Variants in MSI2 observed in about 807,000 individuals in gnomAD.
The protein encoded by MSI2 is musashi RNA binding protein 2, also known as RNA-binding protein Musashi homolog 2.
A neutral mutation model predicts 45.6 loss-of-function variants in MSI2; 17 were observed. The ratio of observed to expected loss-of-function variants is 0.37; its 90% CI spans 0.26 to 0.56. The LOEUF (loss-of-function observed/expected upper bound fraction) is 0.56. Ranked by LOEUF, MSI2 falls within the 20% of genes least tolerant of loss-of-function variation. The probability of loss-of-function intolerance (pLI) is 0.77; values close to 1 mark genes in which losing one functional copy is unlikely to be tolerated. For missense variants in MSI2, 293 were observed against 444.2 expected, an observed-to-expected ratio of 0.66 and a Z score of 3.06; for synonymous variants, 156 against 158.2, an observed-to-expected ratio of 0.99 and a Z score of 0.11.
At chr17:57,555,853 C>T (rs747741040) in intron 7 of MSI2, among the ~76,000 whole-genome samples, 1 of 152,218 alleles carries the variant, frequency 6.6e-6, no homozygotes, top group Non-Finnish European at 1.5e-5. Flanking sequence ...AAAGGTCACA[C>T]AACTACCTTC....
At chr17:57,496,983 A>AT (rs1598334351) in intron 6 of MSI2, among the ~76,000 whole-genome samples, 1 of 151,994 alleles carries the variant, frequency 6.6e-6, no homozygotes, top group Non-Finnish European at 1.5e-5. Context: ...GGACCCTTTA[A>AT]TTTTTTTATT....
chr17:57,551,909 G>A (rs887711577), intron 7 of MSI2, among the ~76,000 whole-genome samples: 2 of 152,190 alleles, frequency 1.3e-5, no homozygotes, highest in East Asian at 3.9e-4. Context: ...TGCCCTGCCT[G>A]TGCCCACCCA....
At chr17:57,276,468 G>A (rs1032366320) in intron 5 of MSI2, among the ~76,000 whole-genome samples, 8 of 152,220 alleles carry the variant, frequency 5.3e-5, no homozygotes, top group African/African-American at 1.9e-4. Flanking sequence ...CTGTTGTCAC[G>A]AATGTGGCTC....
At chr17:57,620,927 C>T (rs1908230718) in intron 9 of MSI2, among the ~76,000 whole-genome samples, 1 of 152,226 alleles carries the variant, frequency 6.6e-6, no homozygotes, top group South Asian at 2.1e-4. Flanking sequence ...CACAGAGCCT[C>T]CTCCTGAGCC....
At chr17:57,606,247 A>C (rs947359592) in intron 8 of MSI2, 1 of 152,310 alleles carries the variant, frequency 6.6e-6, no homozygotes, top group Non-Finnish European at 1.5e-5. Context: ...CTTCAAAGGC[A>C]CTCACCTAGG....
At chr17:57,336,465 C>A (rs16958234) in intron 5 of MSI2, among the ~76,000 whole-genome samples, 2,483 of 152,188 alleles carry the variant, frequency 0.016, 72 homozygotes, top group African/African-American at 0.057. Context: ...CGGGGTAATA[C>A]AGGACTTGAA....
chr17:57,506,248 G>A (rs111695213), intron 6 of MSI2, among the ~76,000 whole-genome samples: 381 of 152,324 alleles, frequency 2.5e-3, no homozygotes, highest in Middle Eastern at 6.8e-3. Context: ...AAAGGCGTGG[G>A]CTCATCTTCC....
rs567025519 is a variant in MSI2, at chr17:57,434,390, G to C, written c.405+32919G>C. Among the ~76,000 whole-genome samples, 125 of 152,272 alleles carry C rather than the reference G, an allele frequency of 8.2e-4. 2 individuals carry two copies. The highest frequency in any genetic ancestry group is 4.4e-5 in the Non-Finnish European group (3 of 68,024). On this transcript the variant is annotated intron_variant, in intron 6 of 13. Coordinates refer to ENST00000284073, the MANE Select transcript of MSI2 (RefSeq NM_138962.4). The stretch of plus-strand genomic sequence containing the variant: ...GCCAGGATTACAGGCATGAGCCACC[G>C]TACCTGGCCCATTTTAACAATTTTG...
At chr17:57,458,258 G>A (rs1246402990) in intron 6 of MSI2, among the ~76,000 whole-genome samples, 5 of 151,914 alleles carry the variant, frequency 3.3e-5, no homozygotes, top group African/African-American at 9.7e-5. Context: ...CCACCACCAC[G>A]CCTGGCTAAT....
chr17:57,648,107 C>G (rs905517606), intron 10 of MSI2, among the ~76,000 whole-genome samples: 1 of 150,546 alleles, frequency 6.6e-6, no homozygotes, highest in African/African-American at 2.5e-5. Context: ...GGATTACAAG[C>G]ATGCACCACC....
chr17:57,458,077 T>C (rs1431354621), intron 6 of MSI2, among the ~76,000 whole-genome samples: 4 of 151,646 alleles, frequency 2.6e-5, no homozygotes, highest in Non-Finnish European at 5.9e-5. Flanking sequence ...TAATAAACTA[T>C]ATTAGCCTGA....
At chr17:57,361,416 A>G (rs1916801514) in intron 5 of MSI2, among the ~76,000 whole-genome samples, 1 of 151,864 alleles carries the variant, frequency 6.6e-6, no homozygotes, top group Non-Finnish European at 1.5e-5. Context: ...CCTGGATAAC[A>G]TGGTGAAACC....
chr17:57,632,020 A>G lies in MSI2; in HGVS notation c.727+4717A>G, dbSNP rs1038796341. On this transcript the variant is annotated intron_variant, in intron 10 of 13. Coordinates refer to ENST00000284073, the MANE Select transcript of MSI2 (RefSeq NM_138962.4). The stretch of plus-strand genomic sequence containing the variant: ...ATGTCCTCATTGCTTCACTCAATTA[A>G]AAAAAAATTATTCTCCAGTCCCCTC... 15 of 1,353,402 alleles carry G rather than the reference A, an allele frequency of 1.1e-5. 1 individual carries two copies. In the African/African-American group the frequency reaches 1.5e-4, roughly 13 times the overall value. The allele number at this position is 1,353,402 out of a possible 1,614,324, so 83.8% of individuals were successfully genotyped here. A position where few individuals can be genotyped will look rare whatever the true frequency, so the allele number is the denominator to read the frequency against.
chr17:57,444,118 C>T (rs563610388), intron 6 of MSI2, among the ~76,000 whole-genome samples: 19 of 152,264 alleles, frequency 1.2e-4, no homozygotes, highest in African/African-American at 3.4e-4. Flanking sequence ...AGAAAGGACT[C>T]GAGAGGCCTT....
At chr17:57,647,004 C>A (rs989077673) in intron 10 of MSI2, among the ~76,000 whole-genome samples, 2 of 151,730 alleles carry the variant, frequency 1.3e-5, no homozygotes, top group Non-Finnish European at 2.9e-5. Flanking sequence ...AGGGTCATGC[C>A]TGACCCCTTG....
intron 6 of MSI2, among the ~76,000 whole-genome samples, chr17:57,422,422 T>C (rs2087923808): frequency 6.6e-6 from 1 of 152,144 alleles, no homozygotes; most frequent in African/African-American, 2.4e-5. Context: ...ATCGCACCAC[T>C]GCACTCCAGC....
In MSI2 at chr17:57,438,109, A is replaced by T. The variant is rs116440635; in HGVS notation, c.405+36638A>T. Among the ~76,000 whole-genome samples, 1,055 of 152,262 alleles carry T rather than the reference A, an allele frequency of 6.9e-3. 10 individuals are homozygous for T. Among genetic ancestry groups the T allele is most frequent in the African/African-American group, 0.024 (1,007 of 41,542 alleles). On this transcript the variant is annotated intron_variant, in intron 6 of 13. Transcript: ENST00000284073. ...TTCTTTGCAGCAGCCTCCACCTCCC[A>T]GCGCCTGGGAGACAGTGCACCAGTA...
intron 6 of MSI2, among the ~76,000 whole-genome samples, chr17:57,514,213 T>C (rs1050276794): frequency 5.9e-5 from 9 of 151,308 alleles, no homozygotes; most frequent in African/African-American, 2.2e-4. Flanking sequence ...GCTAAGGGAT[T>C]TTTTTTTCTG....
chr17:57,494,207 C>A (rs1480834655), intron 6 of MSI2, among the ~76,000 whole-genome samples: 1 of 152,198 alleles, frequency 6.6e-6, no homozygotes, highest in East Asian at 1.9e-4. Context: ...TGTTACATTT[C>A]ATTCCCACCA....
Sources: gnomAD v4.1 joint callset for allele counts (sites outside exome capture counted in the v4.1 genomes callset) on GRCh38, gnomAD v4.1.1 for gene constraint, MANE v1.5 for transcripts, NCBI Gene and HGNC (gene_info 2026-07-23, HGNC 2026-07-21) for gene names.